Variants in FGF7 observed in about 807,000 individuals in gnomAD.
FGF7 encodes the protein fibroblast growth factor 7, also known as FGF-7.
Under a neutral mutation model 20.5 loss-of-function variants are expected in FGF7, and 6 were observed. The observed-to-expected ratio is 0.29, with a 90% CI of 0.16 to 0.58. The LOEUF is 0.58. FGF7 is among the 20% of genes least tolerant of loss of function. The pLI is 0.90. For missense variants in FGF7, 144 were observed against 228.8 expected (o/e 0.63, Z 2.39); for synonymous variants, 64 against 74.7 (o/e 0.86, Z 0.74).
chr15:49,480,220 C>T (rs1205210517), intron 2 of FGF7, among the ~76,000 whole-genome samples: 5 of 152,220 alleles, frequency 3.3e-5, no homozygotes, highest in East Asian at 3.9e-4. Context: ...CTCAGTTAAA[C>T]GTAGAATCTT....
chr15:49,465,829 T>A (rs74012386), intron 2 of FGF7, among the ~76,000 whole-genome samples: 5 of 152,206 alleles, frequency 3.3e-5, no homozygotes, highest in African/African-American at 1.2e-4. Flanking sequence ...GAAAACTTGT[T>A]AATTCTTTAA....
At position 49,487,488 on chromosome 15, in the gene FGF7, T is replaced by C. The variant is rs1325928018; in HGVS notation, c.*2984T>C. ...CTTTGAGTTGGCTACAAATTCAATT[T>C]AATGACAGAAGAGAAGGGATGCTGG... On this transcript the variant is annotated 3_prime_UTR_variant, in exon 4 of 4. Transcript: ENST00000267843. 1.3e-5 allele frequency: 2 copies of C among 151,854 alleles called. No individual in the cohort carries two copies. Among genetic ancestry groups the C allele is most frequent in the Admixed American group, 6.6e-5 (1 of 15,216 alleles). The allele number at this position is 151,854 out of a possible 1,614,324, so 9.4% of individuals were successfully genotyped here.
intron 2 of FGF7, among the ~76,000 whole-genome samples, chr15:49,454,790 T>C (rs1299808736): frequency 6.6e-6 from 1 of 152,110 alleles, no homozygotes; most frequent in East Asian, 1.9e-4. Context: ...TTTGTATTTT[T>C]AGTAGACACA....
chr15:49,460,187 T>A (rs1297978685), intron 2 of FGF7, among the ~76,000 whole-genome samples: 1 of 152,100 alleles, frequency 6.6e-6, no homozygotes, highest in African/African-American at 2.4e-5. Context: ...TTTTTCCTAG[T>A]ACCTGCCAAA....
chr15:49,437,820 A>G (rs1224129684), intron 2 of FGF7, among the ~76,000 whole-genome samples: 1 of 151,700 alleles, frequency 6.6e-6, no homozygotes, highest in Non-Finnish European at 1.5e-5. Context: ...CAAAGAGTCA[A>G]TTTCAGTAGA....
At chr15:49,466,803 T>A (rs917734877) in intron 2 of FGF7, among the ~76,000 whole-genome samples, 1 of 152,208 alleles carries the variant, frequency 6.6e-6, no homozygotes, top group Non-Finnish European at 1.5e-5. Flanking sequence ...TTAAATTTTT[T>A]AATTATCTTT....
intron 2 of FGF7, among the ~76,000 whole-genome samples, chr15:49,442,711 G>A (rs989781257): frequency 6.6e-6 from 1 of 151,646 alleles, no homozygotes; most frequent in Admixed American, 6.6e-5. Flanking sequence ...TACTAGCATG[G>A]TTATTTAAAC....
At chr15:49,430,648 T>C (rs2050526634) in intron 2 of FGF7, among the ~76,000 whole-genome samples, 1 of 151,866 alleles carries the variant, frequency 6.6e-6, no homozygotes, top group Admixed American at 6.6e-5. Flanking sequence ...TGTCATTCCA[T>C]GGTGGAAGGT....
At chr15:49,427,177 T>A (rs1216869058) in intron 2 of FGF7, among the ~76,000 whole-genome samples, 2 of 152,028 alleles carry the variant, frequency 1.3e-5, no homozygotes, top group Admixed American at 1.3e-4. Flanking sequence ...TTGACACATG[T>A]GAAGTTGAAG....
intron 2 of FGF7, among the ~76,000 whole-genome samples, chr15:49,427,333 A>T (rs1249528107): frequency 6.6e-6 from 1 of 152,078 alleles, no homozygotes; most frequent in African/African-American, 2.4e-5. Flanking sequence ...GAATGAAAGA[A>T]TGTTTCCTTC....
intron 2 of FGF7, among the ~76,000 whole-genome samples, chr15:49,452,259 G>A (rs913696478): frequency 1.3e-5 from 2 of 152,098 alleles, no homozygotes; most frequent in African/African-American, 2.4e-5. Context: ...CACTGTGTTG[G>A]CCAGGATGGT....
At chr15:49,466,090 T>C (rs1406251934) in intron 2 of FGF7, among the ~76,000 whole-genome samples, 2 of 152,102 alleles carry the variant, frequency 1.3e-5, no homozygotes, top group East Asian at 1.9e-4. Context: ...TAAAGTAAAA[T>C]AGATGACAAC....
chr15:49,457,318 G>A (rs2053399280), intron 2 of FGF7, among the ~76,000 whole-genome samples: 1 of 151,954 alleles, frequency 6.6e-6, no homozygotes, highest in Non-Finnish European at 1.5e-5. Context: ...AAATCAGCGT[G>A]TAAACTACCC....
At chr15:49,429,464 CT>C (rs1481692832) in intron 2 of FGF7, among the ~76,000 whole-genome samples, 1 of 151,932 alleles carries the variant, frequency 6.6e-6, no homozygotes, top group Non-Finnish European at 1.5e-5. Context: ...TCTCTTTTCT[CT>C]TTTGTAAATC....
chr15:49,439,534 G>T lies in FGF7; in HGVS notation c.286+14951G>T, dbSNP rs1050564129. On this transcript the variant is annotated intron_variant, in intron 2 of 3. Coordinates refer to ENST00000267843, the MANE Select transcript of FGF7 (RefSeq NM_002009.4). Reference sequence around the variant, plus strand: ...ACCATGCATGGTTTTTGCATCTGAAGAATTTTTAGTCAAGTTGAAATTCTA... The same window carrying T: ...ACCATGCATGGTTTTTGCATCTGAATAATTTTTAGTCAAGTTGAAATTCTA... Among the ~76,000 whole-genome samples, 5 of 151,670 alleles carry T rather than the reference G, an allele frequency of 3.3e-5. No homozygotes were observed. The East Asian group carries it at 9.7e-4, about 30-fold the overall frequency.
intron 2 of FGF7, among the ~76,000 whole-genome samples, chr15:49,437,317 G>C (rs2051196049): frequency 6.6e-6 from 1 of 151,592 alleles, no homozygotes; most frequent in African/African-American, 2.4e-5. Context: ...AGAAACAGCA[G>C]AGAGTTTGTT....
At chr15:49,451,550 T>A (rs1455511762) in intron 2 of FGF7, among the ~76,000 whole-genome samples, 1 of 152,090 alleles carries the variant, frequency 6.6e-6, no homozygotes, top group African/African-American at 2.4e-5. Flanking sequence ...TTAGTATTTA[T>A]ATTTTTTTCT....
chr15:49,450,372 A>T lies in FGF7; in HGVS notation c.286+25789A>T, dbSNP rs572835103. On this transcript the variant is annotated intron_variant, in intron 2 of 3. Transcript: ENST00000267843. ...AGAGTTCATTTCTCTGGCCTATGTC[A>T]CTGATTATGTTGCTAAAGATATTTT... Among the ~76,000 whole-genome samples, 12 of 152,058 alleles carry T rather than the reference A, an allele frequency of 7.9e-5. No homozygotes were observed. In the South Asian group the frequency reaches 2.5e-3, roughly 32 times the overall value.
chr15:49,485,087 T>C lies in FGF7; in HGVS notation c.*583T>C, dbSNP rs1235263468. ...TTATGAAAGTCAATAAAATAGATAA[T>C]TTAACAAAAGTACAGGATTAGAACA... On this transcript the variant is annotated 3_prime_UTR_variant, in exon 4 of 4. Transcript: ENST00000267843. 3.3e-5 allele frequency: 5 copies of C among 152,034 alleles called. No individual in the cohort carries two copies. Among genetic ancestry groups the C allele is most frequent in the African/African-American group, 9.7e-5 (4 of 41,390 alleles). 9.4% of individuals were successfully genotyped at this position (152,034 alleles called of 1,614,324 possible).
Sources: gnomAD v4.1 joint callset for allele counts (sites outside exome capture counted in the v4.1 genomes callset) on GRCh38, gnomAD v4.1.1 for gene constraint, MANE v1.5 for transcripts, NCBI Gene and HGNC (gene_info 2026-07-23, HGNC 2026-07-21) for gene names.